Variants in CPNE4 observed in about 807,000 individuals in gnomAD.
CPNE4 encodes copine 4, also known as copine-4.
In CPNE4, 25 loss-of-function variants were observed where a neutral mutation model predicts 67.9. The observed-to-expected ratio is 0.37, with a 90% CI of 0.27 to 0.51. The LOEUF (loss-of-function observed/expected upper bound fraction) is 0.51. Ranked by LOEUF, CPNE4 falls within the 20% of genes least tolerant of loss-of-function variation. The pLI, the probability that CPNE4 is intolerant of heterozygous loss-of-function variation, is 0.93. For synonymous variants in CPNE4, 242 were observed against 244.9 expected (o/e 0.99, Z 0.11); for missense variants, 464 against 690.8 (o/e 0.67, Z 3.68).
At chr3:131,939,347 G>GA (rs5852670) in intron 1 of CPNE4, among the ~76,000 whole-genome samples, 26,631 of 151,720 alleles carry the variant, frequency 0.18, 2,650 homozygotes, top group East Asian at 0.31. Flanking sequence ...ATTGGTAAGT[G>GA]AAAAAAAATG....
chr3:131,763,167 T>C (rs774187789), intron 2 of CPNE4, among the ~76,000 whole-genome samples: 1 of 152,128 alleles, frequency 6.6e-6, no homozygotes, highest in South Asian at 2.1e-4. Flanking sequence ...TTTATCCTCT[T>C]GCACAATGAG....
At position 131,814,619 on chromosome 3, in the gene CPNE4, T is replaced by A. The variant is rs1402257247; in HGVS notation, c.180+90645A>T. Among the ~76,000 whole-genome samples, 52 of 74,372 alleles carry A rather than the reference T, an allele frequency of 7.0e-4. 1 individual carries two copies. The highest frequency in any genetic ancestry group is 3.7e-3 in the African/African-American group (48 of 13,082). 48.8% of individuals were successfully genotyped at this position (74,372 alleles called of 152,430 possible). A position where few individuals can be genotyped will look rare whatever the true frequency, so the allele number is the denominator to read the frequency against. ...TTTTTTTTTTTTTTTTTTTTTTTTTTTTTGAGACGGAGTCTCGCTCTGTCG... is the reference window on the plus strand; with the variant it reads ...TTTTTTTTTTTTTTTTTTTTTTTTTATTTGAGACGGAGTCTCGCTCTGTCG... On this transcript the variant is annotated intron_variant, in intron 2 of 15. Coordinates refer to ENST00000429747, the MANE Select transcript of CPNE4 (RefSeq NM_130808.3).
chr3:131,920,970 T>G (rs2070726856), intron 1 of CPNE4, among the ~76,000 whole-genome samples: 2 of 152,190 alleles, frequency 1.3e-5, no homozygotes, highest in South Asian at 4.1e-4. Flanking sequence ...TGGTCTGGTA[T>G]CCTTACAGTG....
intron 3 of CPNE4, among the ~76,000 whole-genome samples, chr3:131,718,330 G>T (rs1417565456): frequency 6.6e-6 from 1 of 152,090 alleles, no homozygotes. Context: ...CCTTTCCCCA[G>T]TTAGGACCTC....
At chr3:131,983,487 T>C (rs975540114) in intron 1 of CPNE4, among the ~76,000 whole-genome samples, 6 of 152,186 alleles carry the variant, frequency 3.9e-5, no homozygotes, top group African/African-American at 1.2e-4. Context: ...TGCATAACTT[T>C]AAAGGCACTG....
rs1212291564 is a variant in CPNE4, at chr3:131,992,739, C to T, written c.-2+41828G>A. 5.1e-5 allele frequency among the ~76,000 whole-genome samples: 7 copies of T among 136,006 alleles called. 1 individual carries two copies. Among genetic ancestry groups the T allele is most frequent in the African/African-American group, 1.5e-4 (6 of 40,582 alleles). 89.2% of individuals were successfully genotyped at this position (136,006 alleles called of 152,430 possible). ...CATCTTAAATTGTAGTTCCCATAAT[C>T]CCCATGTGTTGTCAGAGGGACCTGG... On this transcript the variant is annotated intron_variant, in intron 1 of 15. Transcript: ENST00000429747.
intron 7 of CPNE4, among the ~76,000 whole-genome samples, chr3:131,655,555 C>T (rs2079933804): frequency 1.3e-5 from 2 of 151,986 alleles, no homozygotes; most frequent in Admixed American, 6.6e-5. Context: ...GGATAGCTGT[C>T]ATGAAAGGTT....
chr3:131,893,070 T>C lies in CPNE4; in HGVS notation c.180+12194A>G, dbSNP rs1014672760. ...TAAAAGACAAAAAACAAGACCCAGCTACATGCTGCCTATAAGAGACTCACC... is the reference window on the plus strand; with the variant it reads ...TAAAAGACAAAAAACAAGACCCAGCCACATGCTGCCTATAAGAGACTCACC... On this transcript the variant is annotated intron_variant, in intron 2 of 15. Coordinates refer to ENST00000429747, the MANE Select transcript of CPNE4 (RefSeq NM_130808.3). 2.7e-4 allele frequency among the ~76,000 whole-genome samples: 41 copies of C among 151,966 alleles called. 2 individuals are homozygous for C. The highest frequency in any genetic ancestry group is 2.0e-3 in the Admixed American group (30 of 15,232).
intron 2 of CPNE4, among the ~76,000 whole-genome samples, chr3:131,808,542 T>C (rs557776147): frequency 6.6e-6 from 1 of 152,262 alleles, no homozygotes; most frequent in African/African-American, 2.4e-5. Flanking sequence ...TGGGAGATAA[T>C]TATTTTTTAA....
intron 2 of CPNE4, among the ~76,000 whole-genome samples, chr3:131,795,650 C>G (rs1465118755): frequency 6.6e-6 from 1 of 152,136 alleles, no homozygotes; most frequent in Non-Finnish European, 1.5e-5. Context: ...GGAGGGTGTA[C>G]ATTAGGGGCT....
intron 7 of CPNE4, among the ~76,000 whole-genome samples, chr3:131,662,647 G>A (rs2080155882): frequency 2.6e-5 from 4 of 152,238 alleles, no homozygotes; most frequent in Non-Finnish European, 5.9e-5. Flanking sequence ...TCAAAACTGG[G>A]TGAAGGATAT....
chr3:131,721,211 G>A (rs954576032), intron 3 of CPNE4, among the ~76,000 whole-genome samples: 1 of 151,980 alleles, frequency 6.6e-6, no homozygotes, highest in African/African-American at 2.4e-5. Context: ...AGTGTCACTG[G>A]CACCTAGCAT....
At chr3:131,857,684 A>C (rs1210382174) in intron 2 of CPNE4, among the ~76,000 whole-genome samples, 1 of 152,008 alleles carries the variant, frequency 6.6e-6, no homozygotes, top group Non-Finnish European at 1.5e-5. Flanking sequence ...CCACTTTCTA[A>C]GAAAGGGTCA....
intron 1 of CPNE4, among the ~76,000 whole-genome samples, chr3:131,923,654 G>A (rs956989463): frequency 2.4e-5 from 3 of 126,072 alleles, no homozygotes; most frequent in African/African-American, 6.1e-5. Context: ...GCAGTGAGCC[G>A]AGATTATGCC....
chr3:131,737,406 G>T (rs1368855466), intron 2 of CPNE4, among the ~76,000 whole-genome samples: 1 of 151,930 alleles, frequency 6.6e-6, no homozygotes, highest in Non-Finnish European at 1.5e-5. Context: ...CTACTCACTT[G>T]TCATTAATTA....
intron 7 of CPNE4, among the ~76,000 whole-genome samples, chr3:131,642,092 C>G (rs2079555676): frequency 6.6e-6 from 1 of 152,102 alleles, no homozygotes; most frequent in African/African-American, 2.4e-5. Flanking sequence ...ACCAAAATCT[C>G]AGAAATCACC....
intron 7 of CPNE4, among the ~76,000 whole-genome samples, chr3:131,595,990 G>T (rs73216420): frequency 0.022 from 3,396 of 152,268 alleles, 51 homozygotes; most frequent in Middle Eastern, 0.048. Flanking sequence ...GGAAGGTGGC[G>T]AACTGGGGAG....
At chr3:131,975,892 A>G (rs1408693204) in intron 1 of CPNE4, among the ~76,000 whole-genome samples, 1 of 152,186 alleles carries the variant, frequency 6.6e-6, no homozygotes, top group Non-Finnish European at 1.5e-5. Flanking sequence ...GGCTTGTAAC[A>G]GTGAAATAAA....
At chr3:132,037,592 G>T, upstream of CPNE4, 1 of 1,535,934 alleles carries the variant, frequency 6.5e-7, no homozygotes, top group Non-Finnish European at 8.7e-7. Context: ...ATTCTGAGCT[G>T]CTGGGTTCTA....
Sources: gnomAD v4.1 joint callset for allele counts (sites outside exome capture counted in the v4.1 genomes callset) on GRCh38, gnomAD v4.1.1 for gene constraint, MANE v1.5 for transcripts, NCBI Gene and HGNC (gene_info 2026-07-23, HGNC 2026-07-21) for gene names.